The following RAD51D variants were observed in gnomAD, a reference collection of about 807,000 sequenced individuals.
The protein encoded by RAD51D is DNA repair protein RAD51 homolog 4.
In RAD51D, 38 loss-of-function variants were observed where a neutral mutation model predicts 44.1. The observed-to-expected ratio is 0.86, with a 90% CI of 0.67 to 1.13. The LOEUF is 1.13. Ranked by LOEUF, RAD51D falls within the 50% of genes most tolerant of loss-of-function variation. The pLI, the probability that RAD51D is intolerant of heterozygous loss-of-function variation, is 0.00. For synonymous variants in RAD51D, 141 were observed against 166.6 expected (o/e 0.85, Z 1.18); for missense variants, 390 against 414.0 (o/e 0.94, Z 0.50).
intron 3 of RAD51D, among the ~76,000 whole-genome samples, chr17:35,115,700 T>G (rs2091727924): frequency 6.6e-6 from 1 of 151,888 alleles, no homozygotes; most frequent in Non-Finnish European, 1.5e-5. Flanking sequence ...AAAGTCCATC[T>G]CTACTAAAAA....
intron 4 of RAD51D, 82 bp from the exon 5 acceptor site, chr17:35,107,204 C>T (rs950790994): frequency 6.2e-5 from 97 of 1,560,140 alleles, no homozygotes; most frequent in Non-Finnish European, 8.5e-5. Flanking sequence ...GCCCAGATTC[C>T]AGCAACACAA....
rs1220081229 is a variant in RAD51D, at chr17:35,100,491, T to G, written c.*462A>C. ...ACTCAGAGACAGAGCTAAGGAAGAG[T>G]GGGCCCCCATCTAACAAATGGAAAG... On this transcript the variant is annotated 3_prime_UTR_variant, in exon 10 of 10. Transcript: ENST00000345365. 1.9e-6 allele frequency: 1 copy of G among 535,124 alleles called. No homozygotes were observed. Among genetic ancestry groups the G allele is most frequent in the Non-Finnish European group, 3.6e-6 (1 of 277,492 alleles). The allele number at this position is 535,124 out of a possible 1,614,324, so 33.1% of individuals were successfully genotyped here.
At position 35,097,410 on chromosome 17, in the gene RAD51D, G is replaced by T. The variant is rs576588827; in HGVS notation, c.*3543C>A. ...TGGGATTACAGGCGTGAGCCACTGC[G>T]CCTGGCTCATATGTGTATATATATG... On this transcript the variant is annotated 3_prime_UTR_variant, in exon 10 of 10. Transcript: ENST00000345365. 1.3e-5 allele frequency: 2 copies of T among 151,702 alleles called. No individual in the cohort carries two copies. The highest frequency in any genetic ancestry group is 2.9e-5 in the Non-Finnish European group (2 of 68,006). 9.4% of individuals were successfully genotyped at this position (151,702 alleles called of 1,614,324 possible).
At chr17:35,109,078 ACTGGT>A (rs1388073998) in intron 3 of RAD51D, among the ~76,000 whole-genome samples, 8 of 151,926 alleles carry the variant, frequency 5.3e-5, no homozygotes, top group African/African-American at 1.9e-4. Context: ...TTTTGGGCAG[ACTGGT>A]CTGGAACTCC....
In RAD51D at chr17:35,101,337, T is replaced by G. The variant is rs371350110; in HGVS notation, c.767A>C (p.Asp256Ala). The G allele has an allele frequency of 1.2e-6, 2 of 1,613,912 alleles. No homozygotes were observed. Among genetic ancestry groups the G allele is most frequent in the African/African-American group, 2.7e-5 (2 of 74,912 alleles). Residue 256 changes from aspartate to alanine, a missense_variant, in exon 9 of 10, where the codon GAC becomes GCC. By Grantham distance (126) the Asp-to-Ala change is moderately radical. Coordinates refer to ENST00000345365, the MANE Select transcript of RAD51D (RefSeq NM_002878.4). ...GAGGGCAGGTTTGAGCCTCCCGCTG[T>G]CCCTGTCTCGAGTTATGTGGTTGGT... ...VVTNHITRDR[D>A]SGRLKPALGR... is the part of the protein sequence containing the mutation.
At chr17:35,101,136 T>A (rs2142410226) in intron 9 of RAD51D, 65 bp downstream of exon 9, 1 of 1,612,182 alleles carries the variant, frequency 6.2e-7, no homozygotes, top group South Asian at 1.1e-5. Flanking sequence ...CTCGAAGACA[T>A]CTGTGGGTAT....
At position 35,101,313 on chromosome 17, in the gene RAD51D, A is replaced by G. The variant is rs1567724947; in HGVS notation, c.791T>C (p.Leu264Pro). Residue 264 changes from leucine (L) to proline (P), a missense_variant, in exon 9 of 10, where the codon CTC becomes CCC. Physicochemically the swap from Leu to Pro is moderately conservative, Grantham distance 98. Transcript: ENST00000345365. Reference protein sequence around the residue: ...DRDSGRLKPALGRSWSFVPST... With the variant: ...DRDSGRLKPAPGRSWSFVPST... ...GGGCACAAAGCTCCAGGAGCGTCCG[A>G]GGGCAGGTTTGAGCCTCCCGCTGTC... 1 of 1,614,144 alleles carries G rather than the reference A, an allele frequency of 6.2e-7. No homozygotes were observed. The highest frequency in any genetic ancestry group is 8.5e-7 in the Non-Finnish European group (1 of 1,180,022).
At chr17:35,102,102 G>A (rs149453524) in intron 8 of RAD51D, among the ~76,000 whole-genome samples, 41 of 152,176 alleles carry the variant, frequency 2.7e-4, no homozygotes, top group African/African-American at 7.9e-4. Context: ...ATATATAGCT[G>A]CTAAAAATTA....
chr17:35,118,564 T>C lies in RAD51D; in HGVS notation c.200A>G (p.Asn67Ser), dbSNP rs546461804. ...CAGTTCCTCGTAGAGATCAGCGCCA[T>C]TCACGGGGAAAGCCGAGAACTGAGC... Reference protein sequence around the residue: ...LLAQFSAFPVNGADLYEELKT... With the variant: ...LLAQFSAFPVSGADLYEELKT... Residue 67 changes from asparagine (N) to serine (S), a missense_variant, in exon 3 of 10, where the codon AAT becomes AGT. By Grantham distance (46) the Asn-to-Ser change is conservative. Transcript: ENST00000345365. The C allele has an allele frequency of 1.2e-6, 2 of 1,614,166 alleles. No individual in the cohort carries two copies. Among genetic ancestry groups the C allele is most frequent in the Admixed American group, 1.7e-5 (1 of 60,020 alleles).
chr17:35,106,285 G>T, intron 6 of RAD51D, 101 bp downstream of exon 6: 2 of 961,576 alleles, frequency 2.1e-6, no homozygotes, highest in Non-Finnish European at 3.4e-6. Context: ...TCACCAGATT[G>T]CACATCTGCA....
intron 6 of RAD51D, 70 bp downstream of exon 6, chr17:35,106,315 AG>A: frequency 4.7e-6 from 6 of 1,265,340 alleles, no homozygotes; most frequent in Non-Finnish European, 6.9e-6. Context: ...AGTCTGTAGT[AG>A]GACACCTGCC....
In RAD51D at chr17:35,092,483, C is replaced by T. The variant is rs535239059; in HGVS notation, c.*8470G>A. On this transcript the variant is annotated 3_prime_UTR_variant, in exon 10 of 10. Coordinates refer to ENST00000345365, the MANE Select transcript of RAD51D (RefSeq NM_002878.4). ...CTTTACATAAATTATCTGTTTAATT[C>T]CCCTGAGGCATATATTTTACCAACA... 1 of 152,228 alleles carries T rather than the reference C, an allele frequency of 6.6e-6. No homozygotes were observed. Among genetic ancestry groups the T allele is most frequent in the South Asian group, 2.1e-4 (1 of 4,824 alleles). 9.4% of individuals were successfully genotyped at this position (152,228 alleles called of 1,614,324 possible).
rs764072863 is a variant in RAD51D, at chr17:35,100,053, C to T, written c.*900G>A. 5.6e-6 allele frequency: 3 copies of T among 532,650 alleles called. No individual in the cohort carries two copies. Among genetic ancestry groups the T allele is most frequent in the Non-Finnish European group, 7.3e-6 (2 of 275,416 alleles). The allele number at this position is 532,650 out of a possible 1,614,324, so 33.0% of individuals were successfully genotyped here. ...TCAGCATCAATTTTCCCAGCTGGCT[C>T]TATTTACTGTGCAAATTCTCCTCTG... On this transcript the variant is annotated 3_prime_UTR_variant, in exon 10 of 10. Coordinates refer to ENST00000345365, the MANE Select transcript of RAD51D (RefSeq NM_002878.4).
chr17:35,116,010 A>G (rs889291832), intron 3 of RAD51D, among the ~76,000 whole-genome samples: 1 of 150,770 alleles, frequency 6.6e-6, no homozygotes, highest in African/African-American at 2.4e-5. Context: ...AGAAAGAAAG[A>G]AAGGCTAGAA....
At position 35,092,552 on chromosome 17, in the gene RAD51D, G is replaced by C. The variant is rs1418894911; in HGVS notation, c.*8401C>G. On this transcript the variant is annotated 3_prime_UTR_variant, in exon 10 of 10. Coordinates refer to ENST00000345365, the MANE Select transcript of RAD51D (RefSeq NM_002878.4). ...CAACATACACTTTACCAGTAGGACAGAGACATTACCTTGTCCAAGTAACTC... is the reference window on the plus strand; with the variant it reads ...CAACATACACTTTACCAGTAGGACACAGACATTACCTTGTCCAAGTAACTC... 4 of 152,194 alleles carry C rather than the reference G, an allele frequency of 2.6e-5. No homozygotes were observed. The highest frequency in any genetic ancestry group is 2.6e-4 in the Admixed American group (4 of 15,270). 9.4% of individuals were successfully genotyped at this position (152,194 alleles called of 1,614,324 possible).
rs876659394 is a variant in RAD51D, at chr17:35,107,364, A to G, written c.345+2T>C. ...CCTCCTGACTGCTGGCCTCACATGT[A>G]CCTGAGTTTTGCCGCTACCTGGGCC... On this transcript the variant is annotated splice_donor_variant, in intron 4 of 9. Coordinates refer to ENST00000345365, the MANE Select transcript of RAD51D (RefSeq NM_002878.4). LOFTEE classifies it high-confidence loss of function. 6.5e-7 allele frequency: 1 copy of G among 1,543,380 alleles called. No individual in the cohort carries two copies. Among genetic ancestry groups the G allele is most frequent in the Non-Finnish European group, 9.0e-7 (1 of 1,115,802 alleles).
chr17:35,107,217 G>A (rs2091617600), intron 4 of RAD51D, 95 bp from the exon 5 acceptor site: 1 of 1,528,162 alleles, frequency 6.5e-7, no homozygotes, highest in African/African-American at 1.4e-5. Flanking sequence ...CAACACAAAT[G>A]GGCTGAGTCC....
At chr17:35,101,427 C>T (rs2142413087) in intron 8 of RAD51D, 62 bp from the exon 9 acceptor site, 1 of 1,546,898 alleles carries the variant, frequency 6.5e-7, no homozygotes, top group Non-Finnish European at 8.9e-7. Context: ...ATTACTACCG[C>T]TTCATTTTAC....
rs587780102 is a variant in RAD51D, at chr17:35,119,118, G to C, written c.137C>G (p.Ser46Cys). The stretch of plus-strand genomic sequence containing the variant: ...TGGAGATCAGGAGCTCACCTTGTAA[G>C]ACAAGCCACATTTCTGAGCTACCTC... ...LEEVAQKCGL[S>C]YKALVALRRV... The change falls in exon 2 of 10, where the codon TCT becomes TGT. Residue 46 changes from serine (S) to cysteine (C), a missense_variant. Ser to Cys is a moderately radical substitution (Grantham distance 112). Coordinates refer to ENST00000345365, the MANE Select transcript of RAD51D (RefSeq NM_002878.4). 169 of 1,613,388 alleles carry C rather than the reference G, an allele frequency of 1.0e-4. No homozygotes were observed. Among genetic ancestry groups the C allele is most frequent in the Admixed American group, 1.5e-4 (9 of 59,998 alleles).
Sources: gnomAD v4.1 joint callset for allele counts (sites outside exome capture counted in the v4.1 genomes callset) on GRCh38, gnomAD v4.1.1 for gene constraint, MANE v1.5 for transcripts, NCBI Gene and HGNC (gene_info 2026-07-23, HGNC 2026-07-21) for gene names.